Variants in TPO observed in about 807,000 individuals in gnomAD.
The protein encoded by TPO is thyroid microsomal antigen.
In TPO, 78 loss-of-function variants were observed where a neutral mutation model predicts 96.9. The observed-to-expected ratio is 0.81, with a 90% CI of 0.67 to 0.97. The LOEUF is 0.97. Among genes scored for constraint, TPO ranks in the 50% least tolerant of loss-of-function variants. TPO has a pLI of 0.00. For missense variants in TPO, 1,252 were observed against 1,274.8 expected, an observed-to-expected ratio of 0.98 and a Z score of 0.27; for synonymous variants, 547 against 538.0, an observed-to-expected ratio of 1.02 and a Z score of -0.23.
At chr2:1,407,193 C>A (rs1043082444) in intron 1 of TPO, among the ~76,000 whole-genome samples, 3 of 152,148 alleles carry the variant, frequency 2.0e-5, no homozygotes, top group Admixed American at 1.3e-4. Flanking sequence ...TGTATGTGTA[C>A]TATTACTTTC....
Position 1,391,399 on chromosome 2 carries a change from GCTGTTTTGGTTA to G in TPO, n.180+17002_180+17013del, listed in dbSNP as rs1661998568. On this transcript the variant is annotated intron_variant and non_coding_transcript_variant, in intron 1 of 5. Transcript: ENST00000497517. Reference sequence around the variant, plus strand: ...ATGTCTGTTTTGGTACAAGTACCATGCTGTTTTGGTTACTGTAGCCTCATAGTATCGTTTGAA... The same window carrying G: ...ATGTCTGTTTTGGTACAAGTACCATGCTGTAGCCTCATAGTATCGTTTGAA... Among the ~76,000 whole-genome samples the G allele has an allele frequency of 2.6e-5, 4 of 152,326 alleles. No individual in the cohort carries two copies. The South Asian group carries it at 8.3e-4, about 32-fold the overall frequency.
intron 1 of TPO, among the ~76,000 whole-genome samples, chr2:1,379,881 A>AC (rs1393250388): frequency 6.6e-6 from 1 of 152,222 alleles, no homozygotes; most frequent in Non-Finnish European, 1.5e-5. Flanking sequence ...AGGGGCAGGC[A>AC]TGTGTCCTGT....
At chr2:1,432,112 C>G (rs964344014) in intron 3 of TPO, among the ~76,000 whole-genome samples, 5 of 152,366 alleles carry the variant, frequency 3.3e-5, no homozygotes, top group Admixed American at 3.3e-4. Context: ...CTGTCTGGAG[C>G]CCCCAGAGCA....
intron 3 of TPO, 95 bp from the exon 4 acceptor site, chr2:1,433,343 G>T: frequency 6.7e-7 from 1 of 1,491,876 alleles, no homozygotes; most frequent in East Asian, 2.3e-5. Context: ...GGACACAGTA[G>T]TTACTCAATA....
chr2:1,526,591 A>C (rs2125157862), intron 15 of TPO, among the ~76,000 whole-genome samples: 1 of 143,074 alleles, frequency 7.0e-6, no homozygotes, highest in East Asian at 2.2e-4. Context: ...ACTGTGAGCA[A>C]CCTCCACAAA....
At chr2:1,437,673 G>C (rs1460010086) in intron 5 of TPO, among the ~76,000 whole-genome samples, 1 of 152,240 alleles carries the variant, frequency 6.6e-6, no homozygotes, top group Non-Finnish European at 1.5e-5. Context: ...AGCTGTAAGA[G>C]CTTGTTTGTT....
chr2:1,493,362 C>T (rs190065689), intron 10 of TPO, among the ~76,000 whole-genome samples: 4 of 152,268 alleles, frequency 2.6e-5, no homozygotes, highest in Non-Finnish European at 4.4e-5. Context: ...GTCACGGACT[C>T]AGCATTCTTG....
intron 15 of TPO, 141 bp downstream of exon 15, chr2:1,517,123 T>A: frequency 1.2e-6 from 1 of 844,952 alleles, no homozygotes; most frequent in Non-Finnish European, 1.9e-6. Context: ...CAGAGCTATT[T>A]TGTACAACGT....
intron 8 of TPO, among the ~76,000 whole-genome samples, chr2:1,483,503 T>C (rs1670833667): frequency 6.6e-6 from 1 of 152,236 alleles, no homozygotes; most frequent in South Asian, 2.1e-4. Context: ...CACACGGACC[T>C]TCTCACGCGG....
intron 1 of TPO, among the ~76,000 whole-genome samples, chr2:1,383,651 AT>A (rs1351061219): frequency 3.3e-5 from 5 of 151,790 alleles, no homozygotes; most frequent in African/African-American, 1.2e-4. Flanking sequence ...GATTGCAAAA[AT>A]TTTCTCCCAT....
chr2:1,409,136 C>A (rs1331925910), upstream of TPO, among the ~76,000 whole-genome samples: 1 of 151,850 alleles, frequency 6.6e-6, no homozygotes, highest in Admixed American at 6.6e-5. Context: ...GGACAGACTG[C>A]CGTCCCCAGA....
chr2:1,522,535 C>A (rs546986305), intron 15 of TPO, among the ~76,000 whole-genome samples: 1 of 151,788 alleles, frequency 6.6e-6, no homozygotes. Context: ...CCCTCTCCTG[C>A]CCCCAGACCA....
At chr2:1,390,888 T>C (rs980638157) in intron 1 of TPO, among the ~76,000 whole-genome samples, 25 of 152,232 alleles carry the variant, frequency 1.6e-4, no homozygotes, top group South Asian at 8.3e-4. Flanking sequence ...GTTGTTTTTT[T>C]CTTGTAAATT....
intron 2 of TPO, among the ~76,000 whole-genome samples, chr2:1,416,242 A>G (rs1662949455): frequency 6.6e-6 from 1 of 152,240 alleles, no homozygotes; most frequent in Non-Finnish European, 1.5e-5. Flanking sequence ...ATCTTCCCAG[A>G]ATAAATCAGT....
chr2:1,474,583 G>C (rs1437972758), intron 7 of TPO, among the ~76,000 whole-genome samples: 1 of 152,158 alleles, frequency 6.6e-6, no homozygotes, highest in East Asian at 1.9e-4. Flanking sequence ...CTGGATTTCT[G>C]ATCACCTTGT....
At chr2:1,542,161 C>A in intron 16 of TPO, 3 of 584,952 alleles carry the variant, frequency 5.1e-6, no homozygotes, top group Non-Finnish European at 9.1e-6. Context: ...CCTGAAGGAC[C>A]CTGCCTGCGG....
chr2:1,384,977 T>G (rs1661867853), intron 1 of TPO, among the ~76,000 whole-genome samples: 1 of 152,176 alleles, frequency 6.6e-6, no homozygotes, highest in African/African-American at 2.4e-5. Flanking sequence ...AATCATGTGG[T>G]TTTTGTCTTT....
intron 7 of TPO, among the ~76,000 whole-genome samples, chr2:1,468,908 T>G (rs1215105386): frequency 6.6e-6 from 1 of 152,230 alleles, no homozygotes; most frequent in Non-Finnish European, 1.5e-5. Context: ...TATTTTCTTA[T>G]TCTTTTTTCT....
chr2:1,458,738 G>A (rs1367014763), intron 7 of TPO, among the ~76,000 whole-genome samples: 1 of 152,196 alleles, frequency 6.6e-6, no homozygotes, highest in Non-Finnish European at 1.5e-5. Flanking sequence ...GCCTGGTAAG[G>A]ACCACTTAGC....
Sources: allele counts gnomAD v4.1 joint callset (sites outside exome capture counted in the v4.1 genomes callset), GRCh38; gene constraint gnomAD v4.1.1; transcripts MANE v1.5; gene names NCBI Gene and HGNC (gene_info 2026-07-23, HGNC 2026-07-21).